The following FBXW7 variants were observed in gnomAD, a reference collection of about 807,000 sequenced individuals.
The protein encoded by FBXW7 is F-box and WD repeat domain containing 7, also known as F-box/WD repeat-containing protein 7.
A neutral mutation model predicts 86.3 loss-of-function variants in FBXW7; 11 were observed. The ratio of observed to expected loss-of-function variants is 0.13; its 90% CI spans 0.08 to 0.21. FBXW7 has a LOEUF of 0.21. FBXW7 is among the 10% of genes least tolerant of loss of function. FBXW7 has a pLI of 1.00. For missense variants in FBXW7, 488 were observed against 847.4 expected (o/e 0.58, Z 5.27); for synonymous variants, 313 against 297.9 (o/e 1.05, Z -0.52).
At chr4:152,391,700 C>T (rs926240509) in intron 4 of FBXW7, among the ~76,000 whole-genome samples, 5 of 152,168 alleles carry the variant, frequency 3.3e-5, no homozygotes, top group East Asian at 3.9e-4. Context: ...ATCACCACGC[C>T]GAAACCCTGA....
chr4:152,473,845 T>C (rs1245001950), intron 2 of FBXW7, among the ~76,000 whole-genome samples: 1 of 152,168 alleles, frequency 6.6e-6, no homozygotes, highest in Non-Finnish European at 1.5e-5. Flanking sequence ...TGGGCAACTT[T>C]TGATATGAAC....
intron 4 of FBXW7, among the ~76,000 whole-genome samples, chr4:152,400,054 C>CTTT (rs1237305702): frequency 6.6e-6 from 1 of 152,116 alleles, no homozygotes; most frequent in Non-Finnish European, 1.5e-5. Context: ...TCAAGGCTTA[C>CTTT]TATAAAGCTA....
intron 2 of FBXW7, among the ~76,000 whole-genome samples, chr4:152,532,258 T>G (rs538407609): frequency 6.6e-6 from 1 of 152,340 alleles, no homozygotes; most frequent in South Asian, 2.1e-4. Context: ...GAAGCCACTT[T>G]CAACACACTA....
At chr4:152,432,802 A>G (rs1740033137) in intron 2 of FBXW7, among the ~76,000 whole-genome samples, 1 of 152,126 alleles carries the variant, frequency 6.6e-6, no homozygotes, top group African/African-American at 2.4e-5. Context: ...ACAGAGCGAG[A>G]CACTGTCTCA....
chr4:152,378,052 C>T (rs900821327), intron 4 of FBXW7, among the ~76,000 whole-genome samples: 2 of 152,094 alleles, frequency 1.3e-5, no homozygotes, highest in African/African-American at 4.8e-5. Context: ...TCTGTGGCTG[C>T]TTTCATGATA....
rs558203580 is a variant in FBXW7 at position 152,321,145 on chromosome 4, A to T, written c.*1736T>A. 7.9e-4 allele frequency: 161 copies of T among 203,016 alleles called. No homozygotes were observed. Among genetic ancestry groups the T allele is most frequent in the African/African-American group, 1.7e-3 (75 of 43,810 alleles). 12.6% of individuals were successfully genotyped at this position (203,016 alleles called of 1,614,324 possible). The stretch of plus-strand genomic sequence containing the variant: ...AAACAGGCTTGAAGTATTGATTTCT[A>T]TGTCACACAGCAGGATGCAAAGAAA... On this transcript the variant is annotated 3_prime_UTR_variant, in exon 14 of 14. Transcript: ENST00000281708.
At chr4:152,381,362 T>C (rs559969914) in intron 4 of FBXW7, among the ~76,000 whole-genome samples, 20 of 152,176 alleles carry the variant, frequency 1.3e-4, no homozygotes, top group East Asian at 3.9e-4. Context: ...CACAAAAAGA[T>C]AGAACCCTAA....
chr4:152,440,934 G>GTTT (rs766638263), intron 2 of FBXW7, among the ~76,000 whole-genome samples: 3 of 145,422 alleles, frequency 2.1e-5, no homozygotes, highest in Non-Finnish European at 3.0e-5. Flanking sequence ...AGTTTATACG[G>GTTT]TTTTTTTTTT....
chr4:152,380,676 G>A (rs796627310), intron 4 of FBXW7, among the ~76,000 whole-genome samples: 2 of 151,904 alleles, frequency 1.3e-5, no homozygotes, highest in African/African-American at 4.8e-5. Context: ...CATGTTAGAA[G>A]ACAAAGACAG....
chr4:152,391,895 TTA>T (rs1014464340), intron 4 of FBXW7, among the ~76,000 whole-genome samples: 14 of 152,188 alleles, frequency 9.2e-5, no homozygotes, highest in African/African-American at 3.4e-4. Context: ...ACATCCTAAC[TTA>T]GTTGTGTTAC....
chr4:152,394,406 T>C (rs1336707495), intron 4 of FBXW7, among the ~76,000 whole-genome samples: 2 of 152,130 alleles, frequency 1.3e-5, no homozygotes, highest in South Asian at 2.1e-4. Flanking sequence ...TAGGTTCTTT[T>C]ACAAATTCCT....
chr4:152,336,037 A>G (rs192224839), intron 7 of FBXW7, among the ~76,000 whole-genome samples: 9 of 152,320 alleles, frequency 5.9e-5, no homozygotes, highest in Admixed American at 2.0e-4. Context: ...GAAGGTAATA[A>G]TGTTTTAAAT....
At chr4:152,514,260 C>T (rs1230154312) in intron 2 of FBXW7, among the ~76,000 whole-genome samples, 2 of 152,156 alleles carry the variant, frequency 1.3e-5, no homozygotes, top group Non-Finnish European at 2.9e-5. Flanking sequence ...GGTTCCCTTT[C>T]TCTTACGTTC....
intron 2 of FBXW7, among the ~76,000 whole-genome samples, chr4:152,498,691 A>C (rs995963803): frequency 6.6e-6 from 1 of 152,230 alleles, no homozygotes; most frequent in Non-Finnish European, 1.5e-5. Context: ...AACAAGTGCT[A>C]CTGGAATTCA....
intron 4 of FBXW7, among the ~76,000 whole-genome samples, chr4:152,402,520 T>C (rs1737038094): frequency 6.6e-6 from 1 of 152,162 alleles, no homozygotes; most frequent in Non-Finnish European, 1.5e-5. Flanking sequence ...ATTACTAATA[T>C]TGTTTAACTG....
At chr4:152,523,541 G>A (rs931136066) in intron 2 of FBXW7, among the ~76,000 whole-genome samples, 1 of 152,058 alleles carries the variant, frequency 6.6e-6, no homozygotes, top group Admixed American at 6.6e-5. Context: ...ACAAGTTTTG[G>A]GGACTGAAAG....
At chr4:152,360,836 AATATAT>A (rs375017480) in intron 4 of FBXW7, among the ~76,000 whole-genome samples, 1 of 146,540 alleles carries the variant, frequency 6.8e-6, no homozygotes, top group South Asian at 2.1e-4. Flanking sequence ...AAATATATTA[AATATAT>A]ATATATATAT....
chr4:152,397,069 T>C (rs1736479995), intron 4 of FBXW7, among the ~76,000 whole-genome samples: 1 of 151,998 alleles, frequency 6.6e-6, no homozygotes, highest in African/African-American at 2.4e-5. Flanking sequence ...AGTGAATTAT[T>C]GTTCCTTCTT....
At chr4:152,427,899 T>A (rs1196121580) in intron 2 of FBXW7, among the ~76,000 whole-genome samples, 1 of 152,186 alleles carries the variant, frequency 6.6e-6, no homozygotes, top group Non-Finnish European at 1.5e-5. Context: ...ACATGTATTG[T>A]GAAAACAGGT....
Sources: gnomAD v4.1 joint callset for allele counts (sites outside exome capture counted in the v4.1 genomes callset) on GRCh38, gnomAD v4.1.1 for gene constraint, MANE v1.5 for transcripts, NCBI Gene and HGNC (gene_info 2026-07-23, HGNC 2026-07-21) for gene names.